Variants in ZC3H13 observed in about 807,000 individuals in gnomAD.
ZC3H13 encodes zinc finger CCCH domain-containing protein 13.
In ZC3H13, 64 loss-of-function variants were observed where a neutral mutation model predicts 204.1. The observed-to-expected ratio is 0.31, with a 90% CI of 0.26 to 0.39. ZC3H13 has a LOEUF of 0.39. ZC3H13 is among the 10% of genes least tolerant of loss of function. The pLI is 1.00. For missense variants in ZC3H13, 1,833 were observed against 2,082.7 expected, an observed-to-expected ratio of 0.88 and a Z score of 2.33; for synonymous variants, 667 against 693.7, an observed-to-expected ratio of 0.96 and a Z score of 0.60.
intron 8 of ZC3H13, among the ~76,000 whole-genome samples, chr13:45,995,024 A>AC (rs71074743): frequency 0.71 from 106,330 of 148,974 alleles, 38,211 homozygotes; most frequent in African/African-American, 0.77. Context: ...AAAAAAAAAA[A>AC]AAAAACGCCA....
chr13:46,029,594 A>G (rs1281336254), intron 4 of ZC3H13, among the ~76,000 whole-genome samples: 1 of 151,540 alleles, frequency 6.6e-6, no homozygotes, highest in Non-Finnish European at 1.5e-5. Context: ...ACGCCCGGCT[A>G]ATTTTTTGTA....
chr13:46,017,344 TC>T (rs1359923541), intron 5 of ZC3H13, among the ~76,000 whole-genome samples: 1 of 152,054 alleles, frequency 6.6e-6, no homozygotes, highest in Non-Finnish European at 1.5e-5. Context: ...GTACTCATTC[TC>T]CCATGAGTAG....
intron 16 of ZC3H13, 54 bp from the exon 17 acceptor site, chr13:45,964,096 T>C: frequency 6.7e-7 from 1 of 1,492,054 alleles, no homozygotes; most frequent in South Asian, 1.2e-5. Flanking sequence ...AGCAGTCTTG[T>C]TATCTACATA....
intron 4 of ZC3H13, among the ~76,000 whole-genome samples, chr13:46,027,233 T>C (rs2042595168): frequency 6.6e-6 from 1 of 151,976 alleles, no homozygotes; most frequent in Non-Finnish European, 1.5e-5. Flanking sequence ...GCCTCCCGGG[T>C]AGCTGGGACT....
intron 8 of ZC3H13, among the ~76,000 whole-genome samples, chr13:45,996,769 A>T (rs2040366977): frequency 6.6e-6 from 1 of 152,224 alleles, no homozygotes; most frequent in Admixed American, 6.5e-5. Context: ...AAAAAGCCAT[A>T]AAGTACTTCC....
chr13:45,958,875 C>T (rs1347506885), intron 18 of ZC3H13, among the ~76,000 whole-genome samples: 7 of 152,016 alleles, frequency 4.6e-5, no homozygotes, highest in Non-Finnish European at 7.4e-5. Context: ...AGGATGGTCT[C>T]GATCTCCTGA....
At chr13:46,002,524 C>T (rs1413608710) in intron 8 of ZC3H13, among the ~76,000 whole-genome samples, 1 of 152,080 alleles carries the variant, frequency 6.6e-6, no homozygotes, top group Admixed American at 6.6e-5. Flanking sequence ...ACCCAAACAC[C>T]CATCAAATGG....
At chr13:46,051,479 G>A (rs1432158339) in intron 1 of ZC3H13, among the ~76,000 whole-genome samples, 1 of 152,156 alleles carries the variant, frequency 6.6e-6, no homozygotes, top group African/African-American at 2.4e-5. Context: ...TCTATAGATT[G>A]TATTCACAAA....
chr13:46,012,085 T>C (rs1290221056), intron 5 of ZC3H13, among the ~76,000 whole-genome samples: 1 of 152,232 alleles, frequency 6.6e-6, no homozygotes, highest in Non-Finnish European at 1.5e-5. Context: ...TACTAATGTG[T>C]ACATAAACTA....
intron 1 of ZC3H13, among the ~76,000 whole-genome samples, chr13:46,048,707 CAG>C (rs1324801047): frequency 6.6e-6 from 1 of 151,702 alleles, no homozygotes; most frequent in Non-Finnish European, 1.5e-5. Flanking sequence ...ATTCTTTCCA[CAG>C]AGACAAAATT....
At chr13:45,987,704 G>A (rs536067800) in intron 9 of ZC3H13, among the ~76,000 whole-genome samples, 24 of 152,236 alleles carry the variant, frequency 1.6e-4, no homozygotes, top group African/African-American at 5.5e-4. Flanking sequence ...GGAGACTGCC[G>A]TACTCCACTC....
At chr13:46,050,329 C>T (rs2044314171) in intron 1 of ZC3H13, among the ~76,000 whole-genome samples, 1 of 152,120 alleles carries the variant, frequency 6.6e-6, no homozygotes, top group Non-Finnish European at 1.5e-5. Context: ...ACTCCAGAAG[C>T]TCAATTAATA....
intron 5 of ZC3H13, among the ~76,000 whole-genome samples, chr13:46,016,296 T>C (rs1354535252): frequency 2.0e-5 from 3 of 152,152 alleles, no homozygotes. Context: ...TAGCACCTTA[T>C]TATGCATAAT....
chr13:46,045,661 G>C, intron 1 of ZC3H13, 145 bp from the exon 2 acceptor site: 5 of 648,334 alleles, frequency 7.7e-6, no homozygotes. Flanking sequence ...AAAAAGCATA[G>C]GAGAGGTCAC....
intron 8 of ZC3H13, among the ~76,000 whole-genome samples, chr13:45,992,471 G>T (rs1301622812): frequency 1.3e-5 from 2 of 152,162 alleles, no homozygotes; most frequent in Admixed American, 6.6e-5. Context: ...GTAATTGAAT[G>T]TCATGGTTAA....
Position 46,042,196 on chromosome 13 carries a change from G to A in ZC3H13, c.307C>T (p.Arg103Ter). The change falls in exon 4 of 19, where the codon CGA becomes TGA. Residue 103 changes from arginine (R) to a stop codon, truncating the protein, a stop_gained. Transcript: ENST00000679008. LOFTEE classifies it high-confidence loss of function. The stretch of plus-strand genomic sequence containing the variant: ...GGTGAGGATGACTCCTCTGTATTTC[G>A]TTTCTGGGGCTCAGTGTCCACGTCT... ...RQDVDTEPQK[R>*]NTEESSSPVR... 1 of 1,613,314 alleles carries A rather than the reference G, an allele frequency of 6.2e-7. No homozygotes were observed. The highest frequency in any genetic ancestry group is 1.1e-5 in the South Asian group (1 of 91,050).
At chr13:46,004,894 G>C (rs959171007) in intron 7 of ZC3H13, among the ~76,000 whole-genome samples, 23 of 152,050 alleles carry the variant, frequency 1.5e-4, no homozygotes, top group African/African-American at 5.1e-4. Context: ...GCCTCTTTTT[G>C]GCAATTTAAG....
At position 45,975,684 on chromosome 13, in the gene ZC3H13, C is replaced by T. The variant is rs1481606997; in HGVS notation, c.2067G>A (p.Arg689=). 2 of 1,612,456 alleles carry T rather than the reference C, an allele frequency of 1.2e-6. No homozygotes were observed. The highest frequency in any genetic ancestry group is 1.7e-6 in the Non-Finnish European group (2 of 1,179,220). Residue 689 remains arginine (R), a synonymous_variant, in exon 12 of 19, where the codon CGG becomes CGA. Transcript: ENST00000679008. ...RDRERERDRE[R]ERERERERDR... ...CCCGTTCACGTTCCCTCTCTCTCTCCCGCTCCCTGTCTCGTTCTCGTTCCC... is the reference window on the plus strand; with the variant it reads ...CCCGTTCACGTTCCCTCTCTCTCTCTCGCTCCCTGTCTCGTTCTCGTTCCC...
intron 9 of ZC3H13, 63 bp from the exon 10 acceptor site, chr13:45,985,824 CAT>C (rs1954135118): frequency 5.7e-6 from 8 of 1,402,036 alleles, no homozygotes; most frequent in African/African-American, 1.4e-5. Context: ...AACTAGAAAA[CAT>C]ATTTAATACA....
Sources: allele counts gnomAD v4.1 joint callset (sites outside exome capture counted in the v4.1 genomes callset), GRCh38; gene constraint gnomAD v4.1.1; transcripts MANE v1.5; gene names NCBI Gene and HGNC (gene_info 2026-07-23, HGNC 2026-07-21).